The following AASS variants were observed in gnomAD, a reference collection of about 807,000 sequenced individuals.
AASS encodes alpha-aminoadipic semialdehyde synthase, mitochondrial.
A neutral mutation model predicts 105.4 loss-of-function variants in AASS; 86 were observed. The observed-to-expected ratio is 0.82, with a 90% CI of 0.69 to 0.98. AASS has a LOEUF of 0.98. Ranked by LOEUF, AASS falls within the 50% of genes least tolerant of loss-of-function variation. The pLI, the probability that AASS is intolerant of heterozygous loss-of-function variation, is 0.00. For missense variants in AASS, 1,048 were observed against 1,143.2 expected, an observed-to-expected ratio of 0.92 and a Z score of 1.20; for synonymous variants, 381 against 394.8, an observed-to-expected ratio of 0.96 and a Z score of 0.41.
At chr7:122,110,556 GAACT>G (rs1404503154) in intron 11 of AASS, among the ~76,000 whole-genome samples, 1 of 151,782 alleles carries the variant, frequency 6.6e-6, no homozygotes, top group Non-Finnish European at 1.5e-5. Flanking sequence ...GTATCAAGTA[GAACT>G]AACACTAATC....
chr7:122,105,634 T>C (rs1794633404), intron 11 of AASS, among the ~76,000 whole-genome samples: 1 of 151,332 alleles, frequency 6.6e-6, no homozygotes, highest in Non-Finnish European at 1.5e-5. Flanking sequence ...AATCAAGGAG[T>C]CAATAGAGAA....
chr7:122,124,988 T>C (rs1329515849), intron 4 of AASS, among the ~76,000 whole-genome samples: 3 of 152,172 alleles, frequency 2.0e-5, no homozygotes, highest in African/African-American at 7.2e-5. Context: ...AGTGGCGTGA[T>C]CTCGGCTCAC....
At position 122,140,485 on chromosome 7, in the gene AASS, CA is replaced by C. The variant is rs57828681; in HGVS notation, c.-16+3675del. Among the ~76,000 whole-genome samples, 186 of 37,330 alleles carry C rather than the reference CA, an allele frequency of 5.0e-3. 2 individuals are homozygous for C. The highest frequency in any genetic ancestry group is 0.026 in the Middle Eastern group (1 of 38). 24.5% of individuals were successfully genotyped at this position (37,330 alleles called of 152,430 possible). On this transcript the variant is annotated intron_variant, in intron 1 of 23. Coordinates refer to ENST00000417368, the MANE Select transcript of AASS (RefSeq NM_005763.4). ...TGGGCGACAGAGCGAGACTCAGTCTCAAAAAAAAAAAAAAAAAAAAAAAGAA... is the reference window on the plus strand; with the variant it reads ...TGGGCGACAGAGCGAGACTCAGTCTCAAAAAAAAAAAAAAAAAAAAAAGAA...
chr7:122,105,393 AT>A (rs1414920589), intron 11 of AASS, among the ~76,000 whole-genome samples: 1 of 152,110 alleles, frequency 6.6e-6, no homozygotes, highest in Non-Finnish European at 1.5e-5. Context: ...ATAGATAAAT[AT>A]AGAACTTTTT....
intron 13 of AASS, 88 bp from the exon 14 acceptor site, chr7:122,098,954 C>A: frequency 7.5e-7 from 1 of 1,336,866 alleles, no homozygotes; most frequent in Non-Finnish European, 9.9e-7. Flanking sequence ...TTCCACAAAT[C>A]ATACTAAAAC....
Position 122,140,485 on chromosome 7 carries a change from C to CAAAAAA in AASS, c.-16+3670_-16+3675dup, listed in dbSNP as rs57828681. On this transcript the variant is annotated intron_variant, in intron 1 of 23. Transcript: ENST00000417368. ...TGGGCGACAGAGCGAGACTCAGTCT[C>CAAAAAA]AAAAAAAAAAAAAAAAAAAAAAAGA... Among the ~76,000 whole-genome samples the CAAAAAA allele has an allele frequency of 6.2e-4, 23 of 37,318 alleles. 1 individual carries two copies. Among genetic ancestry groups the CAAAAAA allele is most frequent in the East Asian group, 9.2e-4 (1 of 1,090 alleles). 24.5% of individuals were successfully genotyped at this position (37,318 alleles called of 152,430 possible).
At chr7:122,118,147 C>T (rs1795275147) in intron 6 of AASS, among the ~76,000 whole-genome samples, 160 bp downstream of exon 6, 1 of 151,946 alleles carries the variant, frequency 6.6e-6, no homozygotes, top group Non-Finnish European at 1.5e-5. Flanking sequence ...ATATTTAGAT[C>T]ATTACTACTT....
chr7:122,090,353 T>C (rs879658441), intron 18 of AASS, among the ~76,000 whole-genome samples: 11 of 152,216 alleles, frequency 7.2e-5, no homozygotes, highest in Non-Finnish European at 1.0e-4. Flanking sequence ...ATTTAAAAAA[T>C]CCTCAAACCC....
At chr7:122,079,184 G>GTTCTTACAAA (rs1793186228) in intron 21 of AASS, 2 of 1,418,110 alleles carry the variant, frequency 1.4e-6, no homozygotes, top group Non-Finnish European at 1.8e-6. Context: ...CAGAGATGAT[G>GTTCTTACAAA]GATTGTAATC....
intron 10 of AASS, 76 bp from the exon 11 acceptor site, chr7:122,113,305 C>T: frequency 1.6e-6 from 2 of 1,270,782 alleles, no homozygotes; most frequent in Non-Finnish European, 2.3e-6. Flanking sequence ...ATGTCTACTC[C>T]ACTATATTTG....
In AASS at chr7:122,115,152, C is replaced by T. The variant is rs868487258; in HGVS notation, c.965G>A (p.Arg322His). The T allele has an allele frequency of 5.0e-5, 80 of 1,613,944 alleles. No individual in the cohort carries two copies. The highest frequency in any genetic ancestry group is 1.6e-4 in the Middle Eastern group (1 of 6,082). The change falls in exon 9 of 24, where the codon CGC becomes CAC. Residue 322 changes from arginine (R) to histidine (H), a missense_variant. Transcript: ENST00000417368. Reference sequence around the variant, plus strand: ...AGCCAGGAGACTCTGAGCATCTTGGCGGGTTAGGAGGCGAGGAGTGTTTTG... The same window carrying T: ...AGCCAGGAGACTCTGAGCATCTTGGTGGGTTAGGAGGCGAGGAGTGTTTTG... ...WEQNTPRLLT[R>H]QDAQSLLAPG...
intron 23 of AASS, among the ~76,000 whole-genome samples, chr7:122,076,946 C>T (rs375241408): frequency 2.6e-5 from 4 of 152,054 alleles, no homozygotes; most frequent in South Asian, 2.1e-4. Flanking sequence ...TTGCTAATGT[C>T]ATTTTTTTTT....
intron 18 of AASS, 26 bp downstream of exon 18, chr7:122,091,677 C>A: frequency 1.2e-6 from 2 of 1,613,070 alleles, no homozygotes; most frequent in Non-Finnish European, 1.7e-6. Context: ...AGGTTGATAT[C>A]ACTATGCTTG....
chr7:122,097,353 AATTT>A (rs560190662), intron 15 of AASS, among the ~76,000 whole-genome samples: 7 of 152,012 alleles, frequency 4.6e-5, no homozygotes, highest in African/African-American at 1.7e-4. Flanking sequence ...TTCAAAACCA[AATTT>A]ATTTATTTAT....
In AASS at chr7:122,074,190, T is replaced by C. The variant is rs1792896312; in HGVS notation, c.*2299A>G. On this transcript the variant is annotated 3_prime_UTR_variant, in exon 24 of 24. Transcript: ENST00000417368. ...CTATTCCAGTGAGTGTTAAGTGATA[T>C]CTCATTGTAGATCTCATTTGCATTT... Among the ~76,000 whole-genome samples the C allele has an allele frequency of 6.6e-6, 1 of 152,226 alleles. No homozygotes were observed. The highest frequency in any genetic ancestry group is 2.4e-5 in the African/African-American group (1 of 41,462).
At chr7:122,128,294 C>CA (rs1795748144) in intron 3 of AASS, among the ~76,000 whole-genome samples, 1 of 152,170 alleles carries the variant, frequency 6.6e-6, no homozygotes, top group Non-Finnish European at 1.5e-5. Flanking sequence ...ATTGTTGACA[C>CA]AAGAGACAAA....
At chr7:122,112,215 T>C (rs1057096635) in intron 11 of AASS, among the ~76,000 whole-genome samples, 1 of 152,188 alleles carries the variant, frequency 6.6e-6, no homozygotes, top group Non-Finnish European at 1.5e-5. Flanking sequence ...CCTAATACGG[T>C]TTTCATGAGT....
At chr7:122,084,663 G>A (rs1793537880) in intron 19 of AASS, among the ~76,000 whole-genome samples, 1 of 152,034 alleles carries the variant, frequency 6.6e-6, no homozygotes, top group Non-Finnish European at 1.5e-5. Context: ...GAAGGAGGAT[G>A]ATACAAATAC....
intron 11 of AASS, among the ~76,000 whole-genome samples, chr7:122,110,808 C>T (rs1316712141): frequency 6.6e-6 from 1 of 151,192 alleles, no homozygotes; most frequent in East Asian, 1.9e-4. Context: ...AAATGTCTAC[C>T]AATGGTAAAA....
Sources: allele counts gnomAD v4.1 joint callset (sites outside exome capture counted in the v4.1 genomes callset), GRCh38; gene constraint gnomAD v4.1.1; transcripts MANE v1.5; gene names NCBI Gene and HGNC (gene_info 2026-07-23, HGNC 2026-07-21).